The following RPH3AL variants were observed in gnomAD, a reference collection of about 807,000 sequenced individuals.
The protein encoded by RPH3AL is rab effector Noc2.
Under a neutral mutation model 43.1 loss-of-function variants are expected in RPH3AL, and 38 were observed. The observed-to-expected ratio is 0.88, with a 90% CI of 0.68 to 1.15. RPH3AL has a LOEUF of 1.15. Among genes scored for constraint, RPH3AL ranks in the 50% most tolerant of loss-of-function variants. RPH3AL has a pLI of 0.00. For missense variants in RPH3AL, 462 were observed against 423.2 expected (o/e 1.09, Z -0.81); for synonymous variants, 189 against 176.3 (o/e 1.07, Z -0.57).
chr17:334,408 G>T (rs980121239), intron 1 of RPH3AL, among the ~76,000 whole-genome samples: 7 of 152,200 alleles, frequency 4.6e-5, no homozygotes, highest in African/African-American at 1.7e-4. Context: ...CGTCCACTGC[G>T]GGGGGACAGG....
At chr17:284,779 A>G (rs550046579) in intron 5 of RPH3AL, among the ~76,000 whole-genome samples, 2 of 152,288 alleles carry the variant, frequency 1.3e-5, no homozygotes, top group East Asian at 1.9e-4. Context: ...AATACCATAG[A>G]CTGAGTGGCT....
intron 5 of RPH3AL, among the ~76,000 whole-genome samples, chr17:315,375 C>G (rs1013516018): frequency 4.6e-4 from 63 of 135,774 alleles, no homozygotes; most frequent in Admixed American, 1.4e-3. Context: ...CCTGTAGTCC[C>G]TGTGCCCCAC....
chr17:259,401 G>A (rs1347100391), intron 6 of RPH3AL, among the ~76,000 whole-genome samples: 2 of 152,180 alleles, frequency 1.3e-5, no homozygotes, highest in African/African-American at 4.8e-5. Context: ...TCTCCTGGCT[G>A]CCCGCCCCAC....
intron 2 of RPH3AL, 21 bp from the exon 3 acceptor site, chr17:327,600 C>T (rs1218128471): frequency 3.3e-5 from 50 of 1,525,326 alleles, no homozygotes; most frequent in Non-Finnish European, 4.2e-5. Flanking sequence ...GGAGGGAAGA[C>T]GAAAGAGTGT....
chr17:306,020 A>T (rs1191721335), intron 5 of RPH3AL, among the ~76,000 whole-genome samples: 1 of 94,156 alleles, frequency 1.1e-5, no homozygotes, highest in Non-Finnish European at 2.1e-5. Context: ...CACCATGCCC[A>T]GCTATTTTTT....
rs551695769 is a variant in RPH3AL at position 232,522 on chromosome 17, G to A, written c.614-12786C>T. Among the ~76,000 whole-genome samples, 124 of 152,282 alleles carry A rather than the reference G, an allele frequency of 8.1e-4. 1 individual carries two copies. Among genetic ancestry groups the A allele is most frequent in the South Asian group, 2.1e-4 (1 of 4,822 alleles). On this transcript the variant is annotated intron_variant, in intron 7 of 9. Transcript: ENST00000331302. ...GCAGCTGCCTGAGAAGACCAAGGCC[G>A]ACTATCAGTGTCTCTCCCAGCGGGA...
intron 5 of RPH3AL, among the ~76,000 whole-genome samples, chr17:291,217 G>A (rs1177022486): frequency 6.6e-6 from 1 of 152,144 alleles, no homozygotes; most frequent in Non-Finnish European, 1.5e-5. Flanking sequence ...CTCAAAGAGT[G>A]TCCCATTGAA....
intron 1 of RPH3AL, among the ~76,000 whole-genome samples, chr17:351,141 A>G (rs1415739747): frequency 1.3e-5 from 2 of 152,052 alleles, no homozygotes; most frequent in Non-Finnish European, 1.5e-5. Context: ...ACCTCTCTCC[A>G]ACGTCTCTAG....
At chr17:214,139 C>G (rs62057048) in intron 9 of RPH3AL, among the ~76,000 whole-genome samples, 16,872 of 152,310 alleles carry the variant, frequency 0.11, 1,203 homozygotes, top group Non-Finnish European at 0.15. Flanking sequence ...GCTTCAGGCC[C>G]TCCTCCTAAC....
chr17:219,322 C>T (rs2040892882), intron 8 of RPH3AL, among the ~76,000 whole-genome samples: 1 of 149,378 alleles, frequency 6.7e-6, no homozygotes, highest in East Asian at 2.0e-4. Flanking sequence ...TCTCAGCCTC[C>T]CAAGTAGCTG....
Position 290,450 on chromosome 17 carries a change from C to T in RPH3AL, c.352-8596G>A, listed in dbSNP as rs755495495. Among the ~76,000 whole-genome samples the T allele has an allele frequency of 5.9e-5, 9 of 152,282 alleles. No individual in the cohort carries two copies. The South Asian group carries it at 6.2e-4, about 11-fold the overall frequency. On this transcript the variant is annotated intron_variant, in intron 5 of 9. Coordinates refer to ENST00000331302, the MANE Select transcript of RPH3AL (RefSeq NM_006987.4). This position sits in a 1 kb window ranked among gnomAD's most constrained non-coding sequence, Gnocchi z 4.2. ...CATGACGGCTCCTGCCTGCCTCCCC[C>T]GGGGTGCGTGCCGCGGCCGCCTATG...
chr17:329,259 G>C (rs563645762), intron 2 of RPH3AL, among the ~76,000 whole-genome samples: 1 of 152,076 alleles, frequency 6.6e-6, no homozygotes, highest in African/African-American at 2.4e-5. Context: ...GATTGCTTGA[G>C]GTCAGGAGTT....
In RPH3AL at chr17:219,604, A is replaced by C; in HGVS notation, c.727+19T>G. The stretch of plus-strand genomic sequence containing the variant: ...GCACCGTGCCCGGCCAATAAGCAGC[A>C]TTTCACTCCCCACCTTACCTGACTC... On this transcript the variant is annotated intron_variant, in intron 8 of 9. Transcript: ENST00000331302. 2 of 1,531,764 alleles carry C rather than the reference A, an allele frequency of 1.3e-6. No homozygotes were observed. Among genetic ancestry groups the C allele is most frequent in the Non-Finnish European group, 1.8e-6 (2 of 1,113,944 alleles). The allele number at this position is 1,531,764 out of a possible 1,614,324, so 94.9% of individuals were successfully genotyped here.
In RPH3AL at chr17:247,269, C is replaced by G. The variant is rs201823029; in HGVS notation, c.455G>C (p.Gly152Ala). The G allele has an allele frequency of 1.9e-6, 3 of 1,591,156 alleles. No individual in the cohort carries two copies. Among genetic ancestry groups the G allele is most frequent in the Non-Finnish European group, 2.6e-6 (3 of 1,167,520 alleles). The change falls in exon 7 of 10, where the codon GGG becomes GCG. Residue 152 changes from glycine (G) to alanine (A), a missense_variant. Physicochemically the swap from Gly to Ala is moderately conservative, Grantham distance 60. Coordinates refer to ENST00000331302, the MANE Select transcript of RPH3AL (RefSeq NM_006987.4). ...SEQREVWKRS[G>A]AWFYKGLPKY... Reference sequence around the variant, plus strand: ...GGGGAGCCCTTTGTAGAACCAGGCCCCCGACCTCTTCCAGACCTGAGTGGG... The same window carrying G: ...GGGGAGCCCTTTGTAGAACCAGGCCGCCGACCTCTTCCAGACCTGAGTGGG...
At chr17:220,511 G>T (rs79763357) in intron 7 of RPH3AL, among the ~76,000 whole-genome samples, 461 of 19,216 alleles carry the variant, frequency 0.024, no homozygotes, top group African/African-American at 0.043. Context: ...CAGCTCTGAG[G>T]CCTCCACTCA....
intron 1 of RPH3AL, among the ~76,000 whole-genome samples, chr17:349,693 T>A (rs1016195159): frequency 3.9e-5 from 6 of 152,164 alleles, no homozygotes; most frequent in African/African-American, 1.4e-4. Context: ...ATGTTAAAAA[T>A]TAACTAATTA....
Position 281,828 on chromosome 17 carries a change from C to G in RPH3AL, c.378G>C (p.Glu126Asp). ...RKKVCTKCGI[E>D]ASPGQKRPLW... Reference sequence around the variant, plus strand: ...GGGGCCGCTTCTGGCCAGGGGAGGCCTCGATCCCACATTTGGTGCAGACTT... The same window carrying G: ...GGGGCCGCTTCTGGCCAGGGGAGGCGTCGATCCCACATTTGGTGCAGACTT... The change falls in exon 6 of 10, where the codon GAG becomes GAC. Residue 126 changes from glutamate (E) to aspartate (D), a missense_variant. Transcript: ENST00000331302. 4 of 1,614,050 alleles carry G rather than the reference C, an allele frequency of 2.5e-6. No individual in the cohort carries two copies. Among genetic ancestry groups the G allele is most frequent in the Non-Finnish European group, 3.4e-6 (4 of 1,180,004 alleles).
chr17:227,911 A>G (rs2041142840), intron 7 of RPH3AL, among the ~76,000 whole-genome samples: 1 of 152,240 alleles, frequency 6.6e-6, no homozygotes, highest in African/African-American at 2.4e-5. Flanking sequence ...AGGAATGATG[A>G]TAAGGCCCCT....
chr17:240,772 G>A (rs9913392), intron 7 of RPH3AL, among the ~76,000 whole-genome samples: 87,829 of 151,958 alleles, frequency 0.58, 25,630 homozygotes, highest in South Asian at 0.73. Context: ...TTTAAAAATC[G>A]TCTTCGGCCG....
Sources: gnomAD v4.1 joint callset for allele counts (sites outside exome capture counted in the v4.1 genomes callset) on GRCh38, gnomAD v4.1.1 for gene constraint, Gnocchi (gnomAD v3.1) non-coding constraint, MANE v1.5 for transcripts, NCBI Gene and HGNC (gene_info 2026-07-23, HGNC 2026-07-21) for gene names.